The following LIFR variants were observed in gnomAD, a reference collection of about 807,000 sequenced individuals.
LIFR encodes LIF receptor subunit alpha, also known as leukemia inhibitory factor receptor.
In LIFR, 84 loss-of-function variants were observed where a neutral mutation model predicts 122.2. The observed-to-expected ratio is 0.69, with a 90% CI of 0.58 to 0.82. The LOEUF is 0.82. Among genes scored for constraint, LIFR ranks in the 40% least tolerant of loss-of-function variants. The pLI, the probability that LIFR is intolerant of heterozygous loss-of-function variation, is 0.00. For missense variants in LIFR, 1,294 were observed against 1,311.6 expected, an observed-to-expected ratio of 0.99 and a Z score of 0.21; for synonymous variants, 422 against 434.7, an observed-to-expected ratio of 0.97 and a Z score of 0.36.
At chr5:38,491,699 A>C (rs534693172) in intron 14 of LIFR, among the ~76,000 whole-genome samples, 6 of 152,354 alleles carry the variant, frequency 3.9e-5, no homozygotes, top group Middle Eastern at 3.4e-3. Flanking sequence ...CATACAACCC[A>C]AGAAAAACTG....
intron 5 of LIFR, among the ~76,000 whole-genome samples, chr5:38,522,222 C>T (rs1350804051): frequency 1.3e-5 from 2 of 152,226 alleles, no homozygotes; most frequent in Non-Finnish European, 2.9e-5. Flanking sequence ...TCACGCCCCA[C>T]TTGTGCTTCA....
chr5:38,483,263 T>C (rs1324689159), intron 18 of LIFR, among the ~76,000 whole-genome samples: 2 of 152,222 alleles, frequency 1.3e-5, no homozygotes, highest in Admixed American at 6.5e-5. Context: ...TGTCCTATCA[T>C]ATTTTTATAT....
chr5:38,531,076 T>A (rs1013955322), intron 1 of LIFR, among the ~76,000 whole-genome samples: 6 of 152,268 alleles, frequency 3.9e-5, no homozygotes, highest in Admixed American at 1.3e-4. Flanking sequence ...AACTTGTGTT[T>A]AGTCATTTAT....
At chr5:38,595,674 T>C (rs950500042), upstream of LIFR, among the ~76,000 whole-genome samples, 2 of 150,928 alleles carry the variant, frequency 1.3e-5, no homozygotes, top group Admixed American at 1.3e-4. Flanking sequence ...AAGGAATCCA[T>C]GGGGCCAATC....
rs537706381 is a variant in LIFR at position 38,481,829 on chromosome 5, C to T, written c.3060G>A (p.Glu1020=). Residue 1020 remains glutamate, a synonymous_variant, in exon 20 of 20, where the codon GAG becomes GAA. Transcript: ENST00000453190. Reference sequence around the variant, plus strand: ...TGTAACCCGCAGTTTTATCTAAGTCCTCTTCTGCAGCTATATCTTCCACAG... The same window carrying T: ...TGTAACCCGCAGTTTTATCTAAGTCTTCTTCTGCAGCTATATCTTCCACAG... ...NSTVEDIAAE[E]DLDKTAGYRP... 2.7e-4 allele frequency: 430 copies of T among 1,614,104 alleles called. 2 individuals carry two copies. The South Asian group carries it at 4.4e-3, about 16-fold the overall frequency.
intron 5 of LIFR, among the ~76,000 whole-genome samples, chr5:38,517,062 G>C (rs969740597): frequency 1.2e-4 from 18 of 152,146 alleles, no homozygotes; most frequent in Admixed American, 1.2e-3. Context: ...TGTCAGGGAT[G>C]GGGGGCTAGG....
At chr5:38,527,125 T>G in intron 4 of LIFR, 30 bp downstream of exon 4, 1 of 1,561,646 alleles carries the variant, frequency 6.4e-7, no homozygotes. Flanking sequence ...TTGACTTACT[T>G]TAAAATTGAG....
In LIFR at chr5:38,476,522, C is replaced by CT. The variant is rs34579169; in HGVS notation, c.*5072dup. ...CAACACATAGGATCTATGTTGTTAG[C>CT]TTTTTTTTTTTTAAAGTTCTGATTG... On this transcript the variant is annotated 3_prime_UTR_variant, in exon 20 of 20. Transcript: ENST00000453190. The CT allele has an allele frequency of 0.31, 57,867 of 188,064 alleles. 7,267 individuals carry two copies. Among genetic ancestry groups the CT allele is most frequent in the South Asian group, 0.39 (1,966 of 5,010 alleles). The allele number at this position is 188,064 out of a possible 1,614,324, so 11.6% of individuals were successfully genotyped here. A position where few individuals can be genotyped will look rare whatever the true frequency, so the allele number is the denominator to read the frequency against.
At chr5:38,503,873 A>T in intron 10 of LIFR, 103 bp downstream of exon 10, 1 of 830,200 alleles carries the variant, frequency 1.2e-6, no homozygotes. Flanking sequence ...GTAAATCTCT[A>T]TAATAAATAA....
chr5:38,564,735 TACACACAC>T (rs3047301), intron 1 of LIFR, among the ~76,000 whole-genome samples: 29,904 of 137,344 alleles, frequency 0.22, 3,299 homozygotes, highest in East Asian at 0.36. Context: ...ACACACACAC[TACACACAC>T]ACACACACAC....
chr5:38,498,986 G>T (rs1348510430), intron 12 of LIFR, among the ~76,000 whole-genome samples: 1 of 152,024 alleles, frequency 6.6e-6, no homozygotes, highest in East Asian at 1.9e-4. Flanking sequence ...TCATGTTTTT[G>T]ATATTCATAA....
At chr5:38,594,920 A>C (rs868248448) in intron 1 of LIFR, 1 of 202,554 alleles carries the variant, frequency 4.9e-6, no homozygotes, top group Non-Finnish European at 1.0e-5. Context: ...TCTCTTCCTC[A>C]GGTGTCTGTG....
In LIFR at chr5:38,481,335, G is replaced by C; in HGVS notation, c.*260C>G. 1 of 534,840 alleles carries C rather than the reference G, an allele frequency of 1.9e-6. No individual in the cohort carries two copies. Among genetic ancestry groups the C allele is most frequent in the East Asian group, 3.2e-5 (1 of 31,682 alleles). 33.1% of individuals were successfully genotyped at this position (534,840 alleles called of 1,614,324 possible). A position where few individuals can be genotyped will look rare whatever the true frequency, so the allele number is the denominator to read the frequency against. On this transcript the variant is annotated 3_prime_UTR_variant, in exon 20 of 20. Coordinates refer to ENST00000453190, the MANE Select transcript of LIFR (RefSeq NM_001127671.2). ...AGCCTTGAAATGCTTCTTGAAGGTA[G>C]AGTACATGAGAATTCTTTGGCTTGA...
intron 1 of LIFR, among the ~76,000 whole-genome samples, chr5:38,542,279 T>C (rs564571410): frequency 4.6e-4 from 70 of 152,308 alleles, no homozygotes; most frequent in African/African-American, 1.6e-3. Flanking sequence ...CATCAATAAA[T>C]CTGTGTTTGA....
intron 1 of LIFR, among the ~76,000 whole-genome samples, chr5:38,581,212 T>C (rs1749570220): frequency 6.6e-6 from 1 of 151,712 alleles, no homozygotes; most frequent in Admixed American, 6.6e-5. Flanking sequence ...ATTAGAATCA[T>C]CTTTCTAAGA....
chr5:38,511,473 G>T lies in LIFR; in HGVS notation c.736+317C>A, dbSNP rs114428435. Among the ~76,000 whole-genome samples the T allele has an allele frequency of 1.7e-3, 245 of 142,488 alleles. 1 individual carries two copies. The highest frequency in any genetic ancestry group is 5.5e-3 in the African/African-American group (215 of 39,024). The allele number at this position is 142,488 out of a possible 152,430, so 93.5% of individuals were successfully genotyped here. A position where few individuals can be genotyped will look rare whatever the true frequency, so the allele number is the denominator to read the frequency against. On this transcript the variant is annotated intron_variant, in intron 6 of 19. Transcript: ENST00000453190. ...TGAGCCAGAAATTGGGAACTGTTTTGTTTTTTTTTTTTAAACATAGATTTC... is the reference window on the plus strand; with the variant it reads ...TGAGCCAGAAATTGGGAACTGTTTTTTTTTTTTTTTTTAAACATAGATTTC...
upstream of LIFR, chr5:38,557,827 T>A (rs1326449662): frequency 6.6e-6 from 1 of 152,306 alleles, no homozygotes; most frequent in Non-Finnish European, 1.5e-5. Context: ...AGCGTCCTAA[T>A]GGCCAACTCC....
intron 13 of LIFR, 152 bp from the exon 14 acceptor site, chr5:38,493,937 A>T: frequency 1.5e-6 from 1 of 687,764 alleles, no homozygotes; most frequent in Non-Finnish European, 2.5e-6. Flanking sequence ...AAAGATTAGA[A>T]GTGTTGCTCT....
intron 5 of LIFR, 71 bp downstream of exon 5, chr5:38,523,348 C>A: frequency 7.6e-7 from 1 of 1,310,282 alleles, no homozygotes; most frequent in Non-Finnish European, 1.1e-6. Context: ...CTGATACCAC[C>A]TTAAGGCTTC....
Sources: allele counts gnomAD v4.1 joint callset (sites outside exome capture counted in the v4.1 genomes callset), GRCh38; gene constraint gnomAD v4.1.1; transcripts MANE v1.5; gene names NCBI Gene and HGNC (gene_info 2026-07-23, HGNC 2026-07-21).